The following LSAMP variants were observed in gnomAD, a reference collection of about 807,000 sequenced individuals.
LSAMP encodes the protein limbic system associated membrane protein.
A neutral mutation model predicts 38.6 loss-of-function variants in LSAMP; 7 were observed. The ratio of observed to expected loss-of-function variants is 0.18; its 90% confidence interval spans 0.10 to 0.34. The LOEUF (loss-of-function observed/expected upper bound fraction) is 0.34, where lower values mean the gene tolerates loss of function less well. Ranked by LOEUF, LSAMP falls within the 10% of genes least tolerant of loss-of-function variation. LSAMP has a pLI of 1.00. For missense variants in LSAMP, 313 were observed against 420.0 expected (o/e 0.75, Z 2.23); for synonymous variants, 154 against 166.8 (o/e 0.92, Z 0.59).
chr3:116,126,959 T>C (rs1294772132), intron 1 of LSAMP, among the ~76,000 whole-genome samples: 1 of 152,228 alleles, frequency 6.6e-6, no homozygotes, highest in Non-Finnish European at 1.5e-5. Flanking sequence ...GGTTCCTAAC[T>C]CTTTTTTGCT....
chr3:115,865,760 C>T (rs1256997148), intron 3 of LSAMP, among the ~76,000 whole-genome samples: 2 of 152,162 alleles, frequency 1.3e-5, no homozygotes, highest in African/African-American at 4.8e-5. Flanking sequence ...TGGTAAGCAT[C>T]CTTCTGATCT....
intron 1 of LSAMP, among the ~76,000 whole-genome samples, chr3:116,407,783 C>T (rs1271820535): frequency 1.3e-5 from 2 of 151,956 alleles, no homozygotes; most frequent in South Asian, 2.1e-4. Context: ...TCTACTAAAC[C>T]CAGCTTCCCA....
intron 1 of LSAMP, among the ~76,000 whole-genome samples, chr3:116,184,266 C>A (rs1710557346): frequency 1.3e-5 from 2 of 151,778 alleles, no homozygotes; most frequent in South Asian, 4.1e-4. Flanking sequence ...ATTTTACTAC[C>A]ATTATTTCCA....
Position 115,805,009 on chromosome 3 carries a change from T to C in LSAMP, c.*5308A>G, listed in dbSNP as rs1403549030. The C allele has an allele frequency of 6.6e-6, 1 of 152,200 alleles. No homozygotes were observed. Among genetic ancestry groups the C allele is most frequent in the East Asian group, 1.9e-4 (1 of 5,202 alleles). The allele number at this position is 152,200 out of a possible 1,614,324, so 9.4% of individuals were successfully genotyped here. On this transcript the variant is annotated 3_prime_UTR_variant, in exon 7 of 7. Transcript: ENST00000490035. ...AAGCTTTCCCACTGCTTTTGTTGAA[T>C]GGAAAATAAAAACTGAGTAATATTT...
At chr3:116,314,334 T>C (rs751532162) in intron 1 of LSAMP, among the ~76,000 whole-genome samples, 7 of 152,214 alleles carry the variant, frequency 4.6e-5, no homozygotes, top group African/African-American at 7.2e-5. Flanking sequence ...GGTGAATCCA[T>C]GTAAAATCCT....
intron 1 of LSAMP, among the ~76,000 whole-genome samples, chr3:116,299,211 T>C (rs543699198): frequency 2.0e-5 from 3 of 152,292 alleles, no homozygotes; most frequent in African/African-American, 7.2e-5. Flanking sequence ...CATGACTGAA[T>C]TCTTCCAAAA....
intron 1 of LSAMP, among the ~76,000 whole-genome samples, chr3:116,324,586 C>T (rs118131850): frequency 1.3e-5 from 2 of 152,284 alleles, no homozygotes; most frequent in East Asian, 3.9e-4. Context: ...AGTTCTTACA[C>T]ACCTGAATCA....
At chr3:116,070,278 G>A (rs1324863311) in intron 2 of LSAMP, among the ~76,000 whole-genome samples, 1 of 152,186 alleles carries the variant, frequency 6.6e-6, no homozygotes, top group East Asian at 1.9e-4. Flanking sequence ...GAGACTTACT[G>A]AAAGCTTACT....
At chr3:115,818,263 C>T (rs1313385781) in intron 6 of LSAMP, among the ~76,000 whole-genome samples, 1 of 152,148 alleles carries the variant, frequency 6.6e-6, no homozygotes, top group Admixed American at 6.5e-5. Flanking sequence ...TTGCATCAAG[C>T]CTCTTAGCTT....
intron 1 of LSAMP, among the ~76,000 whole-genome samples, chr3:116,353,676 G>T (rs919929030): frequency 6.6e-5 from 10 of 152,014 alleles, no homozygotes; most frequent in African/African-American, 2.4e-4. Flanking sequence ...AAAATGGAGA[G>T]AAGAGGCAAA....
At chr3:116,072,751 G>GTTT (rs1559731710) in intron 2 of LSAMP, among the ~76,000 whole-genome samples, 2 of 118,702 alleles carry the variant, frequency 1.7e-5, no homozygotes, top group South Asian at 2.7e-4. Flanking sequence ...GGTTGTTTGT[G>GTTT]GTTTTTTTTT....
chr3:116,155,685 TA>T (rs1709731836), intron 1 of LSAMP, among the ~76,000 whole-genome samples: 1 of 152,040 alleles, frequency 6.6e-6, no homozygotes, highest in African/African-American at 2.4e-5. Context: ...CATACATATA[TA>T]TACATACATA....
intron 3 of LSAMP, among the ~76,000 whole-genome samples, chr3:116,001,709 T>TA (rs1939998218): frequency 6.6e-6 from 1 of 152,172 alleles, no homozygotes. Context: ...ACCAGCAGTG[T>TA]AGTATCTTCA....
intron 3 of LSAMP, among the ~76,000 whole-genome samples, chr3:116,012,689 T>C (rs1940365019): frequency 6.6e-6 from 1 of 152,200 alleles, no homozygotes; most frequent in Non-Finnish European, 1.5e-5. Context: ...GTTATTGTGC[T>C]GGAATGAAGG....
At chr3:116,119,521 G>C (rs1448052910) in intron 1 of LSAMP, among the ~76,000 whole-genome samples, 1 of 152,024 alleles carries the variant, frequency 6.6e-6, no homozygotes, top group Non-Finnish European at 1.5e-5. Flanking sequence ...ACTGGGGTTA[G>C]TACATAAAAT....
chr3:116,313,202 C>T (rs2047581973), intron 1 of LSAMP, among the ~76,000 whole-genome samples: 2 of 152,172 alleles, frequency 1.3e-5, no homozygotes, highest in Non-Finnish European at 2.9e-5. Flanking sequence ...ATTTGTCCTT[C>T]AATTAATCAC....
intron 1 of LSAMP, among the ~76,000 whole-genome samples, chr3:116,332,407 T>A (rs775375573): frequency 6.6e-6 from 1 of 152,132 alleles, no homozygotes; most frequent in African/African-American, 2.4e-5. Context: ...GAAGTTAAAC[T>A]GATATAAATC....
rs1482395846 is a variant in LSAMP, at chr3:116,208,452, A to G, written c.156-121896T>C. ...TGTTCCGTTGCTGGTGAGGAACTGC[A>G]TTCCTTTGGAGGAGGAGAAGCGCTC... On this transcript the variant is annotated intron_variant, in intron 1 of 6. Transcript: ENST00000490035. Among the ~76,000 whole-genome samples, 569 of 152,178 alleles carry G rather than the reference A, an allele frequency of 3.7e-3. 5 individuals are homozygous for G. The highest frequency in any genetic ancestry group is 0.013 in the African/African-American group (531 of 41,428).
chr3:115,861,058 C>T (rs1935663714), intron 3 of LSAMP, among the ~76,000 whole-genome samples: 1 of 128,276 alleles, frequency 7.8e-6, no homozygotes, highest in African/African-American at 3.0e-5. Context: ...TCCTCCCCTC[C>T]CTCCCTCCCT....
Sources: gnomAD v4.1 joint callset for allele counts (sites outside exome capture counted in the v4.1 genomes callset) on GRCh38, gnomAD v4.1.1 for gene constraint, MANE v1.5 for transcripts, NCBI Gene and HGNC (gene_info 2026-07-23, HGNC 2026-07-21) for gene names.